Variants in ATP2A2 observed in about 807,000 individuals in gnomAD.
ATP2A2 encodes ATPase sarcoplasmic/endoplasmic reticulum Ca2+ transporting 2.
In ATP2A2, 14 loss-of-function variants were observed where a neutral mutation model predicts 109.3. The observed-to-expected ratio is 0.13, with a 90% confidence interval of 0.08 to 0.20. The LOEUF (loss-of-function observed/expected upper bound fraction) is 0.20, where lower values mean the gene tolerates loss of function less well. ATP2A2 is among the 10% of genes least tolerant of loss of function. The pLI, the probability that ATP2A2 is intolerant of heterozygous loss-of-function variation, is 1.00. For missense variants in ATP2A2, 657 were observed against 1,321.6 expected (o/e 0.50, Z 7.80); for synonymous variants, 506 against 490.9 (o/e 1.03, Z -0.41).
chr12:110,314,783 A>G (rs986973696), intron 5 of ATP2A2, among the ~76,000 whole-genome samples: 3 of 152,198 alleles, frequency 2.0e-5, no homozygotes, highest in African/African-American at 7.2e-5. Context: ...AAAATGAGAC[A>G]GGTATGTATA....
chr12:110,292,948 T>A (rs1389236835), intron 4 of ATP2A2, among the ~76,000 whole-genome samples: 1 of 152,218 alleles, frequency 6.6e-6, no homozygotes, highest in Non-Finnish European at 1.5e-5. Context: ...TGGGTTTTTT[T>A]GGTAGGTTTA....
intron 10 of ATP2A2, 47 bp downstream of exon 10, chr12:110,333,330 G>A (rs1050264234): frequency 4.0e-6 from 6 of 1,502,408 alleles, no homozygotes; most frequent in Non-Finnish European, 5.6e-6. Context: ...CTAGTTCAAG[G>A]GTGGGGTGGG....
At chr12:110,324,932 T>G (rs1877627650) in intron 6 of ATP2A2, among the ~76,000 whole-genome samples, 1 of 151,406 alleles carries the variant, frequency 6.6e-6, no homozygotes. Flanking sequence ...TTCTCATGCC[T>G]CAGCCTCCCT....
At chr12:110,296,183 C>T (rs999894516) in intron 4 of ATP2A2, 25 of 192,038 alleles carry the variant, frequency 1.3e-4, no homozygotes, top group Non-Finnish European at 1.7e-4. Context: ...GGCAGGATCT[C>T]GTCTCACTGC....
chr12:110,285,894 C>G (rs1455491300), intron 3 of ATP2A2, among the ~76,000 whole-genome samples: 1 of 149,132 alleles, frequency 6.7e-6, no homozygotes, highest in African/African-American at 2.5e-5. Context: ...TTTCTTCCTA[C>G]TAGACCCCCT....
intron 5 of ATP2A2, among the ~76,000 whole-genome samples, chr12:110,322,140 C>T (rs1044806390): frequency 7.9e-5 from 12 of 152,120 alleles, no homozygotes; most frequent in African/African-American, 2.9e-4. Flanking sequence ...CAAAAAGTAT[C>T]AAAGGATATA....
chr12:110,304,931 CT>C (rs58192780), intron 5 of ATP2A2, among the ~76,000 whole-genome samples: 25 of 149,204 alleles, frequency 1.7e-4, no homozygotes, highest in Middle Eastern at 6.9e-3. Context: ...GGAAAAACCA[CT>C]TTTTTTTTTC....
intron 1 of ATP2A2, among the ~76,000 whole-genome samples, 172 bp from the exon 2 acceptor site, chr12:110,282,432 G>T (rs1212209954): frequency 6.6e-6 from 1 of 152,138 alleles, no homozygotes; most frequent in Non-Finnish European, 1.5e-5. Context: ...TTCGTGGTAT[G>T]CCCTCTGCTA....
At chr12:110,345,436 G>A (rs1860561) in intron 18 of ATP2A2, 54 bp downstream of exon 18, 333,197 of 1,609,260 alleles carry the variant, frequency 0.21, 37,709 homozygotes, top group Admixed American at 0.32. Flanking sequence ...CCAGGGCACC[G>A]GGGAATTGTG....
chr12:110,309,945 C>G (rs1392174208), intron 5 of ATP2A2, among the ~76,000 whole-genome samples: 1 of 151,622 alleles, frequency 6.6e-6, no homozygotes, highest in East Asian at 1.9e-4. Context: ...CACATGTTCA[C>G]CTCTTAAGAA....
At chr12:110,296,390 T>G (rs1164120077) in intron 4 of ATP2A2, 1 of 609,980 alleles carries the variant, frequency 1.6e-6, no homozygotes, top group African/African-American at 1.8e-5. Context: ...TCCCCTTAGC[T>G]TAATTGAGGG....
chr12:110,326,472 T>C lies in ATP2A2; in HGVS notation c.627T>C (p.Phe209=), dbSNP rs1410056742. The part of the protein sequence containing the change: ...AVNQDKKNML[F]SGTNIAAGKA... ...ACCAAGATAAAAAGAACATGCTGTT[T>C]TCTGTAAGTACTTTATGAAATGTGT... is the stretch of plus-strand genomic sequence containing the variant. Residue 209 remains phenylalanine, a synonymous_variant, in exon 7 of 20, where the codon TTT becomes TTC. Coordinates refer to ENST00000539276, the MANE Select transcript of ATP2A2 (RefSeq NM_170665.4). 6.2e-7 allele frequency: 1 copy of C among 1,609,784 alleles called. No homozygotes were observed. The highest frequency in any genetic ancestry group is 8.5e-7 in the Non-Finnish European group (1 of 1,176,324).
At chr12:110,282,452 G>T (rs1872231342) in intron 1 of ATP2A2, 152 bp from the exon 2 acceptor site, 2 of 1,077,618 alleles carry the variant, frequency 1.9e-6, no homozygotes, top group Non-Finnish European at 2.8e-6. Flanking sequence ...AAAAAAATCG[G>T]ATATTCTTAT....
chr12:110,287,221 C>T (rs1872750650), intron 3 of ATP2A2, among the ~76,000 whole-genome samples: 1 of 152,050 alleles, frequency 6.6e-6, no homozygotes, highest in African/African-American at 2.4e-5. Flanking sequence ...CCACTGCACT[C>T]CAGCCTGAGT....
intron 3 of ATP2A2, among the ~76,000 whole-genome samples, chr12:110,283,532 A>G (rs1354631293): frequency 6.6e-6 from 1 of 152,184 alleles, no homozygotes; most frequent in Non-Finnish European, 1.5e-5. Flanking sequence ...GGTGGCAAGT[A>G]TATTTCTAGG....
Position 110,340,149 on chromosome 12 carries a change from A to G in ATP2A2, c.1761+428A>G, listed in dbSNP as rs1879208632. ...TGTGACATCCTAAAGCTATGAACAAAATGAAGAAGCTTTGGTACTGTGGGC... is the reference window on the plus strand; with the variant it reads ...TGTGACATCCTAAAGCTATGAACAAGATGAAGAAGCTTTGGTACTGTGGGC... On this transcript the variant is annotated intron_variant, in intron 13 of 19. Coordinates refer to ENST00000539276, the MANE Select transcript of ATP2A2 (RefSeq NM_170665.4). The surrounding 1 kb of genome is among the most constrained non-coding windows in gnomAD (Gnocchi z 6.0). Among the ~76,000 whole-genome samples, 1 of 152,196 alleles carries G rather than the reference A, an allele frequency of 6.6e-6. No individual in the cohort carries two copies. The highest frequency in any genetic ancestry group is 6.5e-5 in the Admixed American group (1 of 15,274).
chr12:110,283,881 C>T (rs1872408232), intron 3 of ATP2A2, among the ~76,000 whole-genome samples: 1 of 152,116 alleles, frequency 6.6e-6, no homozygotes, highest in South Asian at 2.1e-4. Flanking sequence ...ACGAAATAAA[C>T]AAAGCAGTGG....
intron 5 of ATP2A2, among the ~76,000 whole-genome samples, chr12:110,303,691 G>A (rs1874935552): frequency 6.6e-6 from 1 of 152,084 alleles, no homozygotes; most frequent in African/African-American, 2.4e-5. Flanking sequence ...ATTGATTACA[G>A]GCATGAGCCA....
Position 110,343,281 on chromosome 12 carries a change from C to G in ATP2A2, c.2368C>G (p.Gln790Glu). Residue 790 changes from glutamine to glutamate, a missense_variant, in exon 16 of 20, where the codon CAG (glutamine) becomes GAG (glutamate). Gln to Glu is a conservative substitution (Grantham distance 29). Coordinates refer to ENST00000539276, the MANE Select transcript of ATP2A2 (RefSeq NM_170665.4). ...LGFPEALIPV[Q>E]LLWVNLVTDG... ...ATTTCCCGAGGCTTTGATTCCTGTT[C>G]AGCTGCTCTGGGTCAATCTGGTGAC... 1 of 1,614,160 alleles carries G rather than the reference C, an allele frequency of 6.2e-7. No homozygotes were observed. Among genetic ancestry groups the G allele is most frequent in the Non-Finnish European group, 8.5e-7 (1 of 1,180,034 alleles).
Sources: allele counts gnomAD v4.1 joint callset (sites outside exome capture counted in the v4.1 genomes callset), GRCh38; gene constraint gnomAD v4.1.1; non-coding constraint Gnocchi (gnomAD v3.1); transcripts MANE v1.5; gene names NCBI Gene and HGNC (gene_info 2026-07-23, HGNC 2026-07-21).